The following SKIC3 variants were observed in gnomAD, a reference collection of about 807,000 sequenced individuals.
The protein encoded by SKIC3 is SKI3 subunit of superkiller complex, also known as superkiller complex protein 3.
At chr5:95,535,063 C>A in the SKIC3 span, among the ~76,000 whole-genome samples, 1 of 152,298 alleles carries the variant, frequency 6.6e-6, no homozygotes, top group African/African-American at 2.4e-5. Flanking sequence ...TTTCTATCTT[C>A]ACTATCATAC....
the SKIC3 span, among the ~76,000 whole-genome samples, chr5:95,542,271 CTAAAG>C: frequency 1.3e-5 from 2 of 151,884 alleles, no homozygotes; most frequent in Non-Finnish European, 1.5e-5. Context: ...AGCATGTGAT[CTAAAG>C]TATTTTATTG....
At chr5:95,514,963 T>C in the SKIC3 span, 1 of 1,595,002 alleles carries the variant, frequency 6.3e-7, no homozygotes, top group East Asian at 2.2e-5. Context: ...CAAGTCATTT[T>C]ATAAACTTAT....
the SKIC3 span, among the ~76,000 whole-genome samples, chr5:95,537,831 A>G: frequency 3.3e-5 from 5 of 152,200 alleles, no homozygotes; most frequent in East Asian, 7.7e-4. Flanking sequence ...CTCATGACTT[A>G]ATACCAAAAA....
the SKIC3 span, among the ~76,000 whole-genome samples, chr5:95,488,832 G>C: frequency 6.6e-6 from 1 of 151,464 alleles, no homozygotes; most frequent in African/African-American, 2.4e-5. Context: ...ACACAATAAA[G>C]AGAGAAAGAA....
At chr5:95,552,188 T>A in the SKIC3 span, among the ~76,000 whole-genome samples, 1 of 152,160 alleles carries the variant, frequency 6.6e-6, no homozygotes, top group East Asian at 1.9e-4. Flanking sequence ...TAACCCACCA[T>A]AAGAAGCATC....
At chr5:95,465,580 T>C in the SKIC3 span, among the ~76,000 whole-genome samples, 1 of 152,232 alleles carries the variant, frequency 6.6e-6, no homozygotes, top group African/African-American at 2.4e-5. Flanking sequence ...CCATAGATAC[T>C]GCCAGAAGAT....
chr5:95,523,293 G>C, the SKIC3 span: 2 of 1,613,708 alleles, frequency 1.2e-6, no homozygotes, highest in East Asian at 4.5e-5. Context: ...CTTGCCTTTT[G>C]AGTTACTGTT....
At chr5:95,489,643 G>A in the SKIC3 span, among the ~76,000 whole-genome samples, 2 of 151,308 alleles carry the variant, frequency 1.3e-5, no homozygotes, top group African/African-American at 2.4e-5. Flanking sequence ...GGACAAAAAT[G>A]GAAACAAAAA....
the SKIC3 span, among the ~76,000 whole-genome samples, chr5:95,539,043 C>T: frequency 6.6e-6 from 1 of 152,296 alleles, no homozygotes; most frequent in South Asian, 2.1e-4. Context: ...TCCACTCCAT[C>T]CAGACTCCGT....
the SKIC3 span, among the ~76,000 whole-genome samples, chr5:95,484,353 T>TTTG: frequency 6.7e-6 from 1 of 149,834 alleles, no homozygotes; most frequent in East Asian, 1.9e-4. Context: ...TTTTTTTTTT[T>TTTG]TTTTTTTTTT....
chr5:95,548,393 T>C, the SKIC3 span, among the ~76,000 whole-genome samples: 1 of 152,016 alleles, frequency 6.6e-6, no homozygotes, highest in African/African-American at 2.4e-5. Flanking sequence ...ACTTAAAAAA[T>C]GTTAGGATTC....
chr5:95,467,951 G>A, the SKIC3 span: 13 of 1,613,482 alleles, frequency 8.1e-6, no homozygotes, highest in Non-Finnish European at 1.1e-5. Flanking sequence ...GGGATACCCA[G>A]GCTGATATAC....
At chr5:95,506,604 C>T in the SKIC3 span, among the ~76,000 whole-genome samples, 22 of 152,232 alleles carry the variant, frequency 1.4e-4, no homozygotes, top group African/African-American at 4.8e-4. Context: ...TGTCCCTCCC[C>T]GGTTTAATAA....
At chr5:95,500,652 A>G in the SKIC3 span, among the ~76,000 whole-genome samples, 1 of 152,178 alleles carries the variant, frequency 6.6e-6, no homozygotes, top group Non-Finnish European at 1.5e-5. Flanking sequence ...CATGATTTAC[A>G]TAAGTACATC....
At chr5:95,534,113 A>G in the SKIC3 span, among the ~76,000 whole-genome samples, 1 of 152,130 alleles carries the variant, frequency 6.6e-6, no homozygotes, top group Admixed American at 6.5e-5. Flanking sequence ...ACCAGGGGCC[A>G]TACAATAAAG....
the SKIC3 span, among the ~76,000 whole-genome samples, chr5:95,493,174 G>A: frequency 2.0e-5 from 3 of 152,080 alleles, no homozygotes; most frequent in African/African-American, 7.2e-5. Flanking sequence ...AGATCTACAA[G>A]GACTAAGTGT....
At chr5:95,525,723 C>T in the SKIC3 span, 2 of 1,551,462 alleles carry the variant, frequency 1.3e-6, no homozygotes, top group Non-Finnish European at 1.8e-6. Flanking sequence ...AACACAACCA[C>T]AGCAATGTTT....
At chr5:95,544,703 C>A in the SKIC3 span, among the ~76,000 whole-genome samples, 1 of 152,130 alleles carries the variant, frequency 6.6e-6, no homozygotes, top group Admixed American at 6.6e-5. Context: ...AACAAAATGC[C>A]ATACTCAACC....
chr5:95,552,214 AG>A, the SKIC3 span, among the ~76,000 whole-genome samples: 1 of 152,234 alleles, frequency 6.6e-6, no homozygotes, highest in Admixed American at 6.5e-5. Context: ...TCCTCAAGAC[AG>A]CTATCATCAA....
Sources: allele counts gnomAD v4.1 joint callset (sites outside exome capture counted in the v4.1 genomes callset), GRCh38; gene constraint gnomAD v4.1.1; transcripts MANE v1.5; gene names NCBI Gene and HGNC (gene_info 2026-07-23, HGNC 2026-07-21).